The following SLC39A9 variants were observed in gnomAD, a reference collection of about 807,000 sequenced individuals.
The protein encoded by SLC39A9 is zinc transporter ZIP9.
A neutral mutation model predicts 28.4 loss-of-function variants in SLC39A9; 14 were observed. The observed-to-expected ratio is 0.49, with a 90% CI of 0.33 to 0.77. The LOEUF is 0.77. SLC39A9 is among the 30% of genes least tolerant of loss of function. The probability of loss-of-function intolerance (pLI) is 0.02; values close to 1 mark genes in which losing one functional copy is unlikely to be tolerated. For missense variants in SLC39A9, 283 were observed against 381.1 expected (o/e 0.74, Z 2.14); for synonymous variants, 119 against 149.6 (o/e 0.80, Z 1.49).
chr14:69,448,166 G>A (rs1230298844), intron 3 of SLC39A9, among the ~76,000 whole-genome samples: 4 of 138,656 alleles, frequency 2.9e-5, no homozygotes, highest in Admixed American at 7.6e-5. Context: ...AGTGAGCCGA[G>A]GTCACGCCAC....
chr14:69,399,736 T>C (rs1882517266), intron 1 of SLC39A9, among the ~76,000 whole-genome samples: 1 of 152,218 alleles, frequency 6.6e-6, no homozygotes, highest in Admixed American at 6.5e-5. Context: ...TGAGGTTCTG[T>C]GCATTTACCT....
chr14:69,459,031 C>G lies in SLC39A9; in HGVS notation c.*438C>G, dbSNP rs1004623610. 29 of 990,272 alleles carry G rather than the reference C, an allele frequency of 2.9e-5. No individual in the cohort carries two copies. The highest frequency in any genetic ancestry group is 3.1e-5 in the Non-Finnish European group (26 of 832,442). The allele number at this position is 990,272 out of a possible 1,614,324, so 61.3% of individuals were successfully genotyped here. ...CCATTGATTTTTAACATGGTTCCCA[C>G]CATGTAAGACTGGTGCTTTAGCATC... On this transcript the variant is annotated 3_prime_UTR_variant, in exon 7 of 7. Coordinates refer to ENST00000336643, the MANE Select transcript of SLC39A9 (RefSeq NM_018375.5).
chr14:69,439,451 T>C (rs2139421574), intron 2 of SLC39A9, among the ~76,000 whole-genome samples: 1 of 152,274 alleles, frequency 6.6e-6, no homozygotes, highest in South Asian at 2.1e-4. Context: ...TTTAAAAAAT[T>C]GGAGAAAATA....
intron 3 of SLC39A9, among the ~76,000 whole-genome samples, chr14:69,448,131 C>T (rs935276506): frequency 2.5e-4 from 35 of 138,828 alleles, no homozygotes; most frequent in Non-Finnish European, 4.5e-5. Flanking sequence ...AGGAGAATGG[C>T]GTGAACATGG....
intron 1 of SLC39A9, among the ~76,000 whole-genome samples, chr14:69,421,876 T>C (rs1883918885): frequency 6.6e-6 from 1 of 152,180 alleles, no homozygotes; most frequent in African/African-American, 2.4e-5. Flanking sequence ...AGTATTTGGG[T>C]GGCAATGTCC....
rs1304220586 is a variant in SLC39A9, at chr14:69,460,039, A to AT, written c.*1455dup. 34 of 980,572 alleles carry AT rather than the reference A, an allele frequency of 3.5e-5. No homozygotes were observed. Among genetic ancestry groups the AT allele is most frequent in the Non-Finnish European group, 3.8e-5 (31 of 825,520 alleles). The allele number at this position is 980,572 out of a possible 1,614,324, so 60.7% of individuals were successfully genotyped here. On this transcript the variant is annotated 3_prime_UTR_variant, in exon 7 of 7. Transcript: ENST00000336643. ...CAAAAGTGTTTAACAGACTAGGATAATTTTTTTTTCATATTTGCCAAAATT... is the reference window on the plus strand; with the variant it reads ...CAAAAGTGTTTAACAGACTAGGATAATTTTTTTTTTCATATTTGCCAAAATT...
At chr14:69,453,671 A>G (rs1885724281) in intron 4 of SLC39A9, among the ~76,000 whole-genome samples, 1 of 152,156 alleles carries the variant, frequency 6.6e-6, no homozygotes, top group South Asian at 2.1e-4. Flanking sequence ...AGAGTAGGGA[A>G]CCTATTGCTG....
chr14:69,400,653 G>T (rs567586673), intron 1 of SLC39A9, among the ~76,000 whole-genome samples: 1 of 152,192 alleles, frequency 6.6e-6, no homozygotes, highest in Non-Finnish European at 1.5e-5. Context: ...GAAACCTGAG[G>T]AAGAGGAGAC....
chr14:69,432,944 T>G (rs1884568553), intron 2 of SLC39A9, among the ~76,000 whole-genome samples: 1 of 152,228 alleles, frequency 6.6e-6, no homozygotes, highest in Non-Finnish European at 1.5e-5. Context: ...AGTCTTATAG[T>G]GTAGTTTGAA....
intron 1 of SLC39A9, among the ~76,000 whole-genome samples, chr14:69,423,791 G>A (rs137929448): frequency 0.012 from 1,846 of 151,974 alleles, 23 homozygotes; most frequent in Non-Finnish European, 0.019. Flanking sequence ...CCAGCTACCC[G>A]GGAGGCTGAG....
rs760994020 is a variant in SLC39A9 at position 69,454,798 on chromosome 14, G to A, written c.473-14G>A. On this transcript the variant is annotated splice_polypyrimidine_tract_variant and intron_variant, in intron 4 of 6. Transcript: ENST00000336643. ...TGTTTATAGTATTTTATGTTTCCTT[G>A]TTTCCAAATATAGCTGATGGTGTTG... 8 of 1,609,808 alleles carry A rather than the reference G, an allele frequency of 5.0e-6. No homozygotes were observed. The highest frequency in any genetic ancestry group is 6.8e-6 in the Non-Finnish European group (8 of 1,176,414).
At chr14:69,408,086 TCACCACAA>T (rs1387112227) in intron 1 of SLC39A9, among the ~76,000 whole-genome samples, 1 of 151,870 alleles carries the variant, frequency 6.6e-6, no homozygotes, top group Non-Finnish European at 1.5e-5. Context: ...TGATCTTGGC[TCACCACAA>T]CCTCTCTCTT....
chr14:69,442,462 G>A (rs1048910963), intron 3 of SLC39A9, among the ~76,000 whole-genome samples, 196 bp downstream of exon 3: 3 of 152,310 alleles, frequency 2.0e-5, no homozygotes, highest in African/African-American at 7.2e-5. Context: ...GTGTTTATTG[G>A]TTTATTACTT....
In SLC39A9 at chr14:69,460,404, T is replaced by C. The variant is rs1014919246; in HGVS notation, c.*1811T>C. ...ATTTTACTACCAAGAGAAGGTATAG[T>C]ATGGAAAGTCCAAATGACTTCCTTG... On this transcript the variant is annotated 3_prime_UTR_variant, in exon 7 of 7. Coordinates refer to ENST00000336643, the MANE Select transcript of SLC39A9 (RefSeq NM_018375.5). The C allele has an allele frequency of 3.1e-5, 31 of 985,358 alleles. No individual in the cohort carries two copies. The highest frequency in any genetic ancestry group is 3.7e-5 in the Non-Finnish European group (31 of 829,948). 61.0% of individuals were successfully genotyped at this position (985,358 alleles called of 1,614,324 possible). A position where few individuals can be genotyped will look rare whatever the true frequency, so the allele number is the denominator to read the frequency against.
intron 1 of SLC39A9, among the ~76,000 whole-genome samples, chr14:69,401,950 G>C (rs1018089000): frequency 1.3e-5 from 2 of 152,150 alleles, no homozygotes; most frequent in Non-Finnish European, 2.9e-5. Flanking sequence ...AATGAAACTA[G>C]TGAGATGGTA....
At chr14:69,426,027 C>T (rs975467354) in intron 2 of SLC39A9, among the ~76,000 whole-genome samples, 2 of 152,146 alleles carry the variant, frequency 1.3e-5, no homozygotes, top group African/African-American at 2.4e-5. Flanking sequence ...GAAAAACTCT[C>T]TCTAACCGTG....
intron 3 of SLC39A9, among the ~76,000 whole-genome samples, chr14:69,446,939 T>G (rs775719576): frequency 4.3e-4 from 57 of 133,134 alleles, no homozygotes; most frequent in Admixed American, 1.8e-3. Flanking sequence ...GATATATATA[T>G]ATATATATAG....
chr14:69,413,224 C>T (rs1340422642), intron 1 of SLC39A9, among the ~76,000 whole-genome samples: 1 of 152,078 alleles, frequency 6.6e-6, no homozygotes, highest in Non-Finnish European at 1.5e-5. Flanking sequence ...GGCATGGTGG[C>T]AGGCACGTGT....
At chr14:69,404,646 CT>C in intron 1 of SLC39A9, among the ~76,000 whole-genome samples, 1 of 152,256 alleles carries the variant, frequency 6.6e-6, no homozygotes, top group East Asian at 1.9e-4. Flanking sequence ...GTCATGGAAA[CT>C]TCTCGGCAAT....
Sources: gnomAD v4.1 joint callset for allele counts (sites outside exome capture counted in the v4.1 genomes callset) on GRCh38, gnomAD v4.1.1 for gene constraint, MANE v1.5 for transcripts, NCBI Gene and HGNC (gene_info 2026-07-23, HGNC 2026-07-21) for gene names.